RFX3: variants seen among roughly 807,000 people sequenced by gnomAD.
RFX3 encodes the protein regulatory factor X3, also known as transcription factor RFX3.
RFX3 carries 14 observed loss-of-function variants against 98.6 expected under a neutral mutation model. That is an observed-to-expected ratio of 0.14 (90% CI 0.09 to 0.22). The LOEUF is 0.22. Ranked by LOEUF, RFX3 falls within the 10% of genes least tolerant of loss-of-function variation. The pLI is 1.00. For synonymous variants in RFX3, 383 were observed against 328.4 expected (o/e 1.17, Z -1.80); for missense variants, 639 against 926.9 (o/e 0.69, Z 4.03).
chr9:3,467,190 A>ATAATATATATGTATATACG (rs1848366178), intron 1 of RFX3, among the ~76,000 whole-genome samples: 7 of 141,824 alleles, frequency 4.9e-5, no homozygotes, highest in Admixed American at 4.3e-4. Flanking sequence ...ATGTATATAC[A>ATAATATATATGTATATACG]TATATAATGT....
At chr9:3,374,068 ACT>A (rs1349067984) in intron 2 of RFX3, among the ~76,000 whole-genome samples, 4 of 149,992 alleles carry the variant, frequency 2.7e-5, no homozygotes, top group Admixed American at 2.0e-4. Context: ...ACAGAGTGAG[ACT>A]CTGTCTCACA....
chr9:3,484,010 C>A (rs1217028306), intron 1 of RFX3, among the ~76,000 whole-genome samples: 2 of 152,112 alleles, frequency 1.3e-5, no homozygotes, highest in African/African-American at 4.8e-5. Flanking sequence ...ATATATATAA[C>A]ATCCCAGGTG....
chr9:3,363,737 G>C (rs1200512353), intron 2 of RFX3, among the ~76,000 whole-genome samples: 3 of 152,202 alleles, frequency 2.0e-5, no homozygotes, highest in South Asian at 2.1e-4. Context: ...CATGGTGTCA[G>C]CTGGCAGTGA....
chr9:3,414,448 T>C lies in RFX3; in HGVS notation c.-8-18852A>G, dbSNP rs1162677447. Among the ~76,000 whole-genome samples, 3 of 151,512 alleles carry C rather than the reference T, an allele frequency of 2.0e-5. No individual in the cohort carries two copies. In the Admixed American group the frequency reaches 2.0e-4, roughly 10 times the overall value. On this transcript the variant is annotated intron_variant, in intron 1 of 16. Coordinates refer to ENST00000617270, the MANE Select transcript of RFX3 (RefSeq NM_001282116.2). ...AGATCCAAAGACATATTTGCTGTCC[T>C]ACCAAAAGGGCACACTGCAGTAAAT... is the stretch of plus-strand genomic sequence containing the variant.
chr9:3,504,739 G>A (rs1816584800), intron 1 of RFX3, among the ~76,000 whole-genome samples: 1 of 113,960 alleles, frequency 8.8e-6, no homozygotes, highest in African/African-American at 3.5e-5. Flanking sequence ...ATGCTATATG[G>A]TATATATTGT....
At chr9:3,319,743 A>C (rs1831037151) in intron 4 of RFX3, among the ~76,000 whole-genome samples, 1 of 152,140 alleles carries the variant, frequency 6.6e-6, no homozygotes, top group Non-Finnish European at 1.5e-5. Flanking sequence ...GGTACCTTTC[A>C]GTGCAGGAAC....
At chr9:3,462,614 C>A (rs1322058134) in intron 1 of RFX3, among the ~76,000 whole-genome samples, 2 of 151,958 alleles carry the variant, frequency 1.3e-5, no homozygotes, top group African/African-American at 4.8e-5. Context: ...TATTTGCAAA[C>A]AACATGATTG....
chr9:3,390,552 A>C (rs888630410), intron 2 of RFX3, among the ~76,000 whole-genome samples: 1 of 152,146 alleles, frequency 6.6e-6, no homozygotes, highest in African/African-American at 2.4e-5. Context: ...CCCAAGCCTC[A>C]TCTTGAATTG....
intron 1 of RFX3, among the ~76,000 whole-genome samples, chr9:3,450,930 C>G (rs1846554832): frequency 6.6e-6 from 1 of 152,222 alleles, no homozygotes; most frequent in Non-Finnish European, 1.5e-5. Context: ...TTTAAAAGAG[C>G]TGCAATTACA....
At chr9:3,327,819 A>G (rs982507283) in intron 4 of RFX3, among the ~76,000 whole-genome samples, 8 of 152,178 alleles carry the variant, frequency 5.3e-5, no homozygotes, top group Non-Finnish European at 8.8e-5. Context: ...TCAAATTTGT[A>G]TAATGGATAA....
At chr9:3,512,189 A>G (rs867350449) in intron 1 of RFX3, among the ~76,000 whole-genome samples, 1 of 152,040 alleles carries the variant, frequency 6.6e-6, no homozygotes. Flanking sequence ...TCAAGTATAC[A>G]TTGAATCTGT....
intron 2 of RFX3, among the ~76,000 whole-genome samples, chr9:3,366,845 T>C (rs1299649035): frequency 1.3e-5 from 2 of 151,882 alleles, no homozygotes; most frequent in Admixed American, 6.6e-5. Context: ...AAATGAATTA[T>C]TTATAATAAG....
chr9:3,440,004 AAAACTT>A (rs777940201), intron 1 of RFX3, among the ~76,000 whole-genome samples: 2 of 152,098 alleles, frequency 1.3e-5, no homozygotes, highest in Non-Finnish European at 2.9e-5. Flanking sequence ...CTGAAAAAGA[AAAACTT>A]AACAATCATC....
chr9:3,478,614 C>T (rs536000055), intron 1 of RFX3, among the ~76,000 whole-genome samples: 2 of 152,236 alleles, frequency 1.3e-5, no homozygotes, highest in Admixed American at 6.5e-5. Context: ...TTACAAATAG[C>T]ACTGATTTTC....
At chr9:3,380,473 G>A (rs931945426) in intron 2 of RFX3, among the ~76,000 whole-genome samples, 5 of 152,076 alleles carry the variant, frequency 3.3e-5, no homozygotes, top group African/African-American at 1.2e-4. Context: ...AGGGTTCATG[G>A]CTCATAACAG....
intron 2 of RFX3, among the ~76,000 whole-genome samples, chr9:3,388,880 G>A (rs542837402): frequency 6.6e-6 from 1 of 152,156 alleles, no homozygotes; most frequent in South Asian, 2.1e-4. Flanking sequence ...ACAATATAGA[G>A]ACAATACATT....
chr9:3,220,437 A>T lies in RFX3; in HGVS notation c.*4605T>A, dbSNP rs1380395285. The T allele has an allele frequency of 6.6e-6, 1 of 152,128 alleles. No individual in the cohort carries two copies. The highest frequency in any genetic ancestry group is 1.5e-5 in the Non-Finnish European group (1 of 68,026). 9.4% of individuals were successfully genotyped at this position (152,128 alleles called of 1,614,324 possible). A position where few individuals can be genotyped will look rare whatever the true frequency, so the allele number is the denominator to read the frequency against. ...CAGAAATCAGTTATGACATAGGTCT[A>T]TCCAGGCCCATGTATTTGTCCTCCT... On this transcript the variant is annotated 3_prime_UTR_variant, in exon 17 of 17. Coordinates refer to ENST00000617270, the MANE Select transcript of RFX3 (RefSeq NM_001282116.2).
chr9:3,416,475 G>GGAT (rs1842989478), intron 1 of RFX3, among the ~76,000 whole-genome samples: 1 of 151,514 alleles, frequency 6.6e-6, no homozygotes, highest in South Asian at 2.1e-4. Context: ...GAAAAAGAAA[G>GGAT]GATGTTATCA....
At chr9:3,336,440 G>C (rs1833188523) in intron 3 of RFX3, among the ~76,000 whole-genome samples, 1 of 151,994 alleles carries the variant, frequency 6.6e-6, no homozygotes, top group Non-Finnish European at 1.5e-5. Context: ...GAATAAATAA[G>C]AGAGAGCATA....
Sources: gnomAD v4.1 joint callset for allele counts (sites outside exome capture counted in the v4.1 genomes callset) on GRCh38, gnomAD v4.1.1 for gene constraint, MANE v1.5 for transcripts, NCBI Gene and HGNC (gene_info 2026-07-23, HGNC 2026-07-21) for gene names.